The following TTLL4 variants were observed in gnomAD, a reference collection of about 807,000 sequenced individuals.
TTLL4 encodes the protein tubulin monoglutamylase TTLL4.
Under a neutral mutation model 122.7 loss-of-function variants are expected in TTLL4, and 85 were observed. The ratio of observed to expected loss-of-function variants is 0.69; its 90% CI spans 0.58 to 0.83. The LOEUF (loss-of-function observed/expected upper bound fraction) is 0.83, where lower values mean the gene tolerates loss of function less well. TTLL4 is among the 40% of genes least tolerant of loss of function. TTLL4 has a pLI of 0.00. For synonymous variants in TTLL4, 553 were observed against 563.0 expected, an observed-to-expected ratio of 0.98 and a Z score of 0.25; for missense variants, 1,363 against 1,488.6, an observed-to-expected ratio of 0.92 and a Z score of 1.39.
chr2:218,716,843 C>T (rs1458848008), intron 1 of TTLL4, among the ~76,000 whole-genome samples: 1 of 152,134 alleles, frequency 6.6e-6, no homozygotes, highest in Non-Finnish European at 1.5e-5. Flanking sequence ...TGTATTCTTT[C>T]ACTGTGTGGT....
chr2:218,727,772 C>T (rs1350147286), intron 2 of TTLL4, among the ~76,000 whole-genome samples: 6 of 152,090 alleles, frequency 3.9e-5, no homozygotes, highest in Non-Finnish European at 2.9e-5. Flanking sequence ...AAAAACCCTG[C>T]TATTCTGAGT....
chr2:218,732,883 T>C (rs1942419166), intron 2 of TTLL4, among the ~76,000 whole-genome samples: 1 of 152,230 alleles, frequency 6.6e-6, no homozygotes, highest in Non-Finnish European at 1.5e-5. Flanking sequence ...ATCATTTCCC[T>C]GTCTTAACGT....
In TTLL4 at chr2:218,747,757, A is replaced by G. The variant is rs1241402150; in HGVS notation, c.2378+32A>G. 1 of 1,610,658 alleles carries G rather than the reference A, an allele frequency of 6.2e-7. No homozygotes were observed. The highest frequency in any genetic ancestry group is 8.5e-7 in the Non-Finnish European group (1 of 1,177,768). Reference sequence around the variant, plus strand: ...GACAGTGGTGAGGTATCCTCTGACAATATTGGGGATTTTATTTTCCTTGGA... The same window carrying G: ...GACAGTGGTGAGGTATCCTCTGACAGTATTGGGGATTTTATTTTCCTTGGA... On this transcript the variant is annotated intron_variant, in intron 11 of 19. Transcript: ENST00000392102. This position sits in a 1 kb window ranked among gnomAD's most constrained non-coding sequence, Gnocchi z 4.7.
intron 5 of TTLL4, among the ~76,000 whole-genome samples, chr2:218,742,453 T>C: frequency 6.6e-6 from 1 of 152,198 alleles, no homozygotes. Context: ...CAGCAGTACT[T>C]TCATTGCATT....
chr2:218,730,537 TAAA>T (rs1264808334), intron 2 of TTLL4, among the ~76,000 whole-genome samples: 1 of 151,368 alleles, frequency 6.6e-6, no homozygotes, highest in Non-Finnish European at 1.5e-5. Flanking sequence ...ATAAATAAAA[TAAA>T]AAAGAAATGG....
chr2:218,738,345 G>A lies in TTLL4; in HGVS notation c.669G>A (p.Met223Ile), dbSNP rs764788445. The A allele has an allele frequency of 8.1e-6, 13 of 1,614,114 alleles. No individual in the cohort carries two copies. The highest frequency in any genetic ancestry group is 1.3e-5 in the African/African-American group (1 of 75,044). Reference protein sequence around the residue: ...YKPMLNNNSFMWPNSTPVPLL... With the variant: ...YKPMLNNNSFIWPNSTPVPLL... The stretch of plus-strand genomic sequence containing the variant: ...CCATGCTGAATAATAATTCCTTCAT[G>A]TGGCCAAATAGCACGCCAGTGCCTT... Residue 223 changes from methionine (M) to isoleucine (I), a missense_variant, in exon 3 of 20, where the codon ATG becomes ATA. Met to Ile is a conservative substitution (Grantham distance 10). This residue lies in a region of TTLL4 where 760 missense variants were observed against 808.4 expected (regional missense o/e 0.94). Coordinates refer to ENST00000392102, the MANE Select transcript of TTLL4 (RefSeq NM_014640.5).
At position 218,747,862 on chromosome 2, in the gene TTLL4, G is replaced by A; in HGVS notation, c.2378+137G>A. ...AAGGCAGGAAATGGGAAATATGGAG[G>A]CTCTCTACTTCGTTAAATCTGGGGA... On this transcript the variant is annotated intron_variant, in intron 11 of 19. Transcript: ENST00000392102. The surrounding 1 kb of genome is among the most constrained non-coding windows in gnomAD (Gnocchi z 4.7). 3 of 1,330,338 alleles carry A rather than the reference G, an allele frequency of 2.3e-6. No individual in the cohort carries two copies. Among genetic ancestry groups the A allele is most frequent in the South Asian group, 1.4e-5 (1 of 72,564 alleles). 82.4% of individuals were successfully genotyped at this position (1,330,338 alleles called of 1,614,324 possible). A position where few individuals can be genotyped will look rare whatever the true frequency, so the allele number is the denominator to read the frequency against.
At chr2:218,740,634 A>G in intron 5 of TTLL4, 50 bp downstream of exon 5, 1 of 1,589,554 alleles carries the variant, frequency 6.3e-7, no homozygotes, top group African/African-American at 1.3e-5. Context: ...TTTGTCTCTT[A>G]AAGATTATAA....
At chr2:218,720,022 G>C (rs1941986735) in intron 1 of TTLL4, among the ~76,000 whole-genome samples, 1 of 152,130 alleles carries the variant, frequency 6.6e-6, no homozygotes, top group Non-Finnish European at 1.5e-5. Flanking sequence ...TAAAGTAAAG[G>C]AAAAAGTCAG....
intron 2 of TTLL4, among the ~76,000 whole-genome samples, chr2:218,732,322 T>C (rs943365397): frequency 6.6e-6 from 1 of 152,224 alleles, no homozygotes; most frequent in African/African-American, 2.4e-5. Flanking sequence ...TCTCCTGTTG[T>C]CTTTCTTTTG....
chr2:218,751,519 TTGA>T (rs1943013012), intron 15 of TTLL4, 182 bp from the exon 16 acceptor site: 1 of 719,200 alleles, frequency 1.4e-6, no homozygotes, highest in Admixed American at 6.3e-5. Context: ...TACTTAATAT[TTGA>T]TGACTCTCAG....
At position 218,754,184 on chromosome 2, in the gene TTLL4, C is replaced by G; in HGVS notation, c.3395C>G (p.Thr1132Arg). The change falls in exon 20 of 20, where the codon ACG becomes AGG. Residue 1132 changes from threonine to arginine, a missense_variant. Thr to Arg is a moderately conservative substitution (Grantham distance 71). Transcript: ENST00000392102. Reference protein sequence around the residue: ...VSLLLSEDGTTPKSKKTQAGL... With the variant: ...VSLLLSEDGTRPKSKKTQAGL... ...CTACTACTCTCTGAAGACGGGACCA[C>G]GCCCAAATCCAAGAAGACTCAAGCT... 1 of 1,614,186 alleles carries G rather than the reference C, an allele frequency of 6.2e-7. No individual in the cohort carries two copies.
chr2:218,745,311 T>C, intron 6 of TTLL4, 78 bp downstream of exon 6: 3 of 1,589,732 alleles, frequency 1.9e-6, no homozygotes, highest in Non-Finnish European at 2.6e-6. Flanking sequence ...GAGGTGGCAG[T>C]AGGTAGGAGA....
intron 16 of TTLL4, among the ~76,000 whole-genome samples, chr2:218,752,388 C>A (rs1213757169): frequency 2.6e-5 from 4 of 152,166 alleles, no homozygotes; most frequent in African/African-American, 9.7e-5. Flanking sequence ...CTGAGAGGCA[C>A]AGTGAGAGAC....
intron 2 of TTLL4, among the ~76,000 whole-genome samples, chr2:218,733,306 T>C (rs1311063387): frequency 6.6e-5 from 10 of 152,182 alleles, no homozygotes; most frequent in African/African-American, 2.2e-4. Context: ...TTCTGCAGGC[T>C]GTATGGGTAG....
intron 1 of TTLL4, among the ~76,000 whole-genome samples, chr2:218,725,602 C>T (rs115111187): frequency 0.077 from 11,642 of 151,940 alleles, 606 homozygotes; most frequent in Non-Finnish European, 0.11. Context: ...GTCGTCCATG[C>T]TGGGGTGTAG....
chr2:218,721,354 G>T (rs192593804), intron 1 of TTLL4, among the ~76,000 whole-genome samples: 1 of 152,162 alleles, frequency 6.6e-6, no homozygotes, highest in Non-Finnish European at 1.5e-5. Flanking sequence ...ACAGGTGTGC[G>T]TCACCGCGCC....
downstream of TTLL4, among the ~76,000 whole-genome samples, chr2:218,758,738 G>A (rs900115906): frequency 6.6e-6 from 1 of 152,220 alleles, no homozygotes; most frequent in Admixed American, 6.5e-5. Context: ...GTGCTGATGG[G>A]AATGCAAAAT....
intron 5 of TTLL4, among the ~76,000 whole-genome samples, chr2:218,744,743 T>A (rs184406902): frequency 6.6e-6 from 1 of 152,312 alleles, no homozygotes; most frequent in East Asian, 1.9e-4. Flanking sequence ...CTCATTTATT[T>A]CTTTGTCTTA....
Sources: gnomAD v4.1 joint callset for allele counts (sites outside exome capture counted in the v4.1 genomes callset) on GRCh38, gnomAD v4.1.1 for gene constraint, gnomAD v4.1.1 regional missense constraint, Gnocchi (gnomAD v3.1) non-coding constraint, MANE v1.5 for transcripts, NCBI Gene and HGNC (gene_info 2026-07-23, HGNC 2026-07-21) for gene names.